EYS: variants seen among roughly 807,000 people sequenced by gnomAD.
EYS encodes EGF-like photoreceptor maintenance factor.
EYS carries 250 observed loss-of-function variants against 282.1 expected under a neutral mutation model. The observed-to-expected ratio is 0.89, with a 90% CI of 0.80 to 0.98. EYS has a LOEUF of 0.98. Among genes scored for constraint, EYS ranks in the 50% least tolerant of loss-of-function variants. EYS has a pLI of 0.00. For synonymous variants in EYS, 1,355 were observed against 1,282.9 expected (o/e 1.06, Z -1.20); for missense variants, 4,016 against 3,709.0 (o/e 1.08, Z -2.15).
At chr6:64,549,188 C>G (rs1366356939) in intron 26 of EYS, among the ~76,000 whole-genome samples, 1 of 152,206 alleles carries the variant, frequency 6.6e-6, no homozygotes, top group African/African-American at 2.4e-5. Context: ...AAAGCAGATT[C>G]TCACACACAG....
chr6:65,226,832 T>C (rs1156249308), intron 12 of EYS, among the ~76,000 whole-genome samples: 2 of 152,218 alleles, frequency 1.3e-5, no homozygotes, highest in African/African-American at 4.8e-5. Flanking sequence ...AATTTAGTAG[T>C]GCTCTTCACA....
intron 36 of EYS, among the ~76,000 whole-genome samples, chr6:63,826,635 G>T (rs556720746): frequency 6.6e-6 from 1 of 152,202 alleles, no homozygotes; most frequent in East Asian, 1.9e-4. Flanking sequence ...TTTGTATCCA[G>T]TGAAACTAAG....
At chr6:64,594,350 A>AC (rs1766507588) in intron 24 of EYS, among the ~76,000 whole-genome samples, 1 of 152,160 alleles carries the variant, frequency 6.6e-6, no homozygotes, top group Non-Finnish European at 1.5e-5. Flanking sequence ...ATACGTGTGC[A>AC]TGTGTCTTTA....
At chr6:64,568,896 G>A (rs1044686223) in intron 26 of EYS, among the ~76,000 whole-genome samples, 6 of 152,056 alleles carry the variant, frequency 3.9e-5, no homozygotes, top group African/African-American at 1.4e-4. Flanking sequence ...GAGACTGAAT[G>A]TGAGAAGGAA....
intron 33 of EYS, among the ~76,000 whole-genome samples, chr6:63,999,635 A>G (rs184829980): frequency 7.2e-5 from 11 of 152,324 alleles, no homozygotes; most frequent in Admixed American, 5.9e-4. Context: ...TAAGAAATGA[A>G]AGGCTGCATA....
chr6:65,451,346 C>T (rs1764390044), intron 5 of EYS, among the ~76,000 whole-genome samples: 2 of 152,004 alleles, frequency 1.3e-5, no homozygotes, highest in Non-Finnish European at 2.9e-5. Flanking sequence ...ACAATTTTGA[C>T]CATGCTTTCA....
rs1771488000 is a variant in EYS at position 65,002,205 on chromosome 6, TTAAG to T, written c.2138-4506_2138-4503del. Among the ~76,000 whole-genome samples, 4 of 147,702 alleles carry T rather than the reference TTAAG, an allele frequency of 2.7e-5. 1 individual carries two copies. The highest frequency in any genetic ancestry group is 2.7e-4 in the Admixed American group (4 of 14,782). On this transcript the variant is annotated intron_variant, in intron 13 of 42. Transcript: ENST00000503581. ...TATTTTAAAATGACATGAATCTTTT[TTAAG>T]TATCATTCCTCACCAGACACCTGTG...
At chr6:64,703,065 T>A (rs1021304275) in intron 22 of EYS, among the ~76,000 whole-genome samples, 17 of 151,850 alleles carry the variant, frequency 1.1e-4, no homozygotes, top group African/African-American at 3.9e-4. Flanking sequence ...TTTGCTGTAA[T>A]CACAAGCTAA....
Position 63,934,462 on chromosome 6 carries a change from C to T in EYS, c.7055+49921G>A, listed in dbSNP as rs775677786. On this transcript the variant is annotated intron_variant, in intron 35 of 42. Transcript: ENST00000503581. ...GACACATGCGCACGTATGTTTATTG[C>T]GGCACTATTCACAATAGCAAAGACT... 1.3e-3 allele frequency among the ~76,000 whole-genome samples: 193 copies of T among 151,996 alleles called. 1 individual carries two copies. In the Middle Eastern group the frequency reaches 0.024, roughly 19 times the overall value.
At chr6:65,336,029 C>T (rs1311459315) in intron 10 of EYS, among the ~76,000 whole-genome samples, 1 of 151,648 alleles carries the variant, frequency 6.6e-6, no homozygotes, top group Admixed American at 6.6e-5. Flanking sequence ...CTCCTGCTGC[C>T]ATGTGAAGAC....
intron 11 of EYS, among the ~76,000 whole-genome samples, chr6:65,324,227 G>C (rs913012345): frequency 5.9e-5 from 9 of 151,934 alleles, no homozygotes; most frequent in Non-Finnish European, 1.3e-4. Flanking sequence ...GCTTTTATTT[G>C]TTTATTTCTT....
intron 27 of EYS, among the ~76,000 whole-genome samples, chr6:64,437,131 C>A (rs1774777681): frequency 6.6e-6 from 1 of 151,448 alleles, no homozygotes; most frequent in African/African-American, 2.4e-5. Context: ...AGACTCCTTT[C>A]CTTTATAAGA....
chr6:65,189,697 G>T (rs527898064), intron 12 of EYS, among the ~76,000 whole-genome samples: 41 of 151,702 alleles, frequency 2.7e-4, no homozygotes, highest in Non-Finnish European at 4.7e-4. Context: ...GATCACAGTT[G>T]GTTAGTTGTC....
intron 16 of EYS, among the ~76,000 whole-genome samples, chr6:64,903,795 G>C (rs1767740075): frequency 6.6e-6 from 1 of 152,058 alleles, no homozygotes; most frequent in African/African-American, 2.4e-5. Flanking sequence ...ATTCTCTGTG[G>C]TGTCTACCAT....
chr6:64,681,385 TAG>T (rs1352694039), intron 22 of EYS, among the ~76,000 whole-genome samples: 3 of 152,100 alleles, frequency 2.0e-5, no homozygotes, highest in Admixed American at 6.5e-5. Context: ...ACTGGCTTAA[TAG>T]AGTGTGACAA....
rs573410887 is a variant in EYS, at chr6:65,114,321, T to A, written c.2024-56594A>T. Among the ~76,000 whole-genome samples, 25 of 84,340 alleles carry A rather than the reference T, an allele frequency of 3.0e-4. No individual in the cohort carries two copies. The East Asian group carries it at 5.7e-3, about 19-fold the overall frequency. 55.3% of individuals were successfully genotyped at this position (84,340 alleles called of 152,430 possible). ...CCTTACATTTTTATAGAATATCATA[T>A]TTTTTTCTTATTAAAACTCATAAGT... On this transcript the variant is annotated intron_variant, in intron 12 of 42. Transcript: ENST00000503581.
rs78748231 is a variant in EYS, at chr6:65,455,376, A to C, written c.862+35218T>G. Among the ~76,000 whole-genome samples, 105 of 152,280 alleles carry C rather than the reference A, an allele frequency of 6.9e-4. 1 individual carries two copies. The highest frequency in any genetic ancestry group is 2.4e-3 in the African/African-American group (99 of 41,586). Reference sequence around the variant, plus strand: ...ATCCTGAAACTTTACTGAATTTATTAGTTCCAACAGTTTTTCTTGATAGAA... The same window carrying C: ...ATCCTGAAACTTTACTGAATTTATTCGTTCCAACAGTTTTTCTTGATAGAA... On this transcript the variant is annotated intron_variant, in intron 5 of 42. Transcript: ENST00000503581.
rs530300780 is a variant in EYS at position 64,914,461 on chromosome 6, T to A, written c.2382-1718A>T. On this transcript the variant is annotated intron_variant, in intron 15 of 42. Coordinates refer to ENST00000503581, the MANE Select transcript of EYS (RefSeq NM_001142800.2). ...TAGTGCTGAAATAATGTAACTTACT[T>A]TGTGATACAGAATATCTTACTAAAA... Among the ~76,000 whole-genome samples, 4 of 152,212 alleles carry A rather than the reference T, an allele frequency of 2.6e-5. No individual in the cohort carries two copies. In the East Asian group the frequency reaches 7.7e-4, roughly 29 times the overall value.
intron 19 of EYS, among the ~76,000 whole-genome samples, chr6:64,835,854 T>A (rs1765366970): frequency 6.6e-6 from 1 of 151,628 alleles, no homozygotes; most frequent in African/African-American, 2.4e-5. Context: ...ATGAGTGCAG[T>A]AACGTGGTAG....
Sources: allele counts gnomAD v4.1 joint callset (sites outside exome capture counted in the v4.1 genomes callset), GRCh38; gene constraint gnomAD v4.1.1; transcripts MANE v1.5; gene names NCBI Gene and HGNC (gene_info 2026-07-23, HGNC 2026-07-21).